SCIN: variants seen among roughly 807,000 people sequenced by gnomAD.
SCIN encodes adseverin.
Under a neutral mutation model 91.8 loss-of-function variants are expected in SCIN, and 91 were observed. That is an observed-to-expected ratio of 0.99 (90% CI 0.84 to 1.18). The LOEUF is 1.18. SCIN is among the 50% of genes most tolerant of loss of function. SCIN has a pLI of 0.00. For synonymous variants in SCIN, 367 were observed against 312.6 expected (o/e 1.17, Z -1.84); for missense variants, 1,087 against 863.9 (o/e 1.26, Z -3.24).
At position 12,611,040 on chromosome 7, in the gene SCIN, C is replaced by T. The variant is rs1373120715; in HGVS notation, c.666+6377C>T. The T allele has an allele frequency of 3.3e-5, 5 of 152,278 alleles. No individual in the cohort carries two copies. In the East Asian group the frequency reaches 9.6e-4, roughly 29 times the overall value. The allele number at this position is 152,278 out of a possible 1,614,324, so 9.4% of individuals were successfully genotyped here. ...TTTCTTGCCAGGACAGCATGTAACA[C>T]TGCTGCCCGCTGCCTGGCTACCCTG... On this transcript the variant is annotated intron_variant, in intron 4 of 15. Coordinates refer to ENST00000297029, the MANE Select transcript of SCIN (RefSeq NM_001112706.3).
chr7:12,604,499 G>T lies in SCIN; in HGVS notation c.517-15G>T. 3 of 1,550,952 alleles carry T rather than the reference G, an allele frequency of 1.9e-6. No individual in the cohort carries two copies. Among genetic ancestry groups the T allele is most frequent in the Non-Finnish European group, 2.6e-6 (3 of 1,146,446 alleles). On this transcript the variant is annotated splice_polypyrimidine_tract_variant and intron_variant, in intron 3 of 15. Coordinates refer to ENST00000297029, the MANE Select transcript of SCIN (RefSeq NM_001112706.3). Reference sequence around the variant, plus strand: ...TCATATTCTTAGGGTCAACAGATCTGTCTCTTTCTTTTAGGAAATTTATCA... The same window carrying T: ...TCATATTCTTAGGGTCAACAGATCTTTCTCTTTCTTTTAGGAAATTTATCA...
rs113338875 is a variant in SCIN at position 12,576,365 on chromosome 7, T to G, written c.200-1699T>G. ...TCTTCTAGCTACTGAGTTGTTTTTT[T>G]TTGTTGTTGTTGTTGTTTCCCCTCA... On this transcript the variant is annotated intron_variant, in intron 1 of 15. Transcript: ENST00000297029. 2.3e-4 allele frequency among the ~76,000 whole-genome samples: 27 copies of G among 117,806 alleles called. No individual in the cohort carries two copies. In the South Asian group the frequency reaches 3.7e-3, roughly 16 times the overall value. 77.3% of individuals were successfully genotyped at this position (117,806 alleles called of 152,430 possible). A position where few individuals can be genotyped will look rare whatever the true frequency, so the allele number is the denominator to read the frequency against.
chr7:12,605,729 T>G (rs1048913898), intron 4 of SCIN, among the ~76,000 whole-genome samples: 10 of 152,222 alleles, frequency 6.6e-5, no homozygotes, highest in African/African-American at 2.4e-4. Context: ...GGATTAGGGA[T>G]GCTCAACTTG....
intron 4 of SCIN, among the ~76,000 whole-genome samples, chr7:12,618,884 T>G (rs1783351285): frequency 6.6e-6 from 1 of 152,164 alleles, no homozygotes; most frequent in African/African-American, 2.4e-5. Flanking sequence ...TCATCTACCC[T>G]AAAATGATTA....
intron 3 of SCIN, chr7:12,589,648 C>G (rs1187419740): frequency 6.6e-6 from 1 of 152,188 alleles, no homozygotes; most frequent in African/African-American, 2.4e-5. Flanking sequence ...AGATCTAAAC[C>G]TCGATGGTTT....
chr7:12,629,289 C>T (rs1783596075), intron 9 of SCIN, 67 bp downstream of exon 9: 3 of 1,456,662 alleles, frequency 2.1e-6, no homozygotes, highest in Non-Finnish European at 2.8e-6. Context: ...GTATTAAATT[C>T]TATGCATTAT....
chr7:12,571,120 C>G, intron 1 of SCIN, 135 bp downstream of exon 1: 1 of 993,614 alleles, frequency 1.0e-6, no homozygotes, highest in Non-Finnish European at 1.4e-6. Context: ...ACGGGGCTGC[C>G]CTTTGGGGCC....
chr7:12,640,737 C>A (rs922161648), intron 11 of SCIN, among the ~76,000 whole-genome samples: 3 of 152,096 alleles, frequency 2.0e-5, no homozygotes, highest in African/African-American at 7.2e-5. Flanking sequence ...TACATTGAAC[C>A]CAAACAGATA....
chr7:12,572,744 G>T (rs115699041), intron 1 of SCIN, among the ~76,000 whole-genome samples: 1,787 of 152,158 alleles, frequency 0.012, 47 homozygotes, highest in African/African-American at 0.041. Context: ...AAAATGGTTT[G>T]GGCAGAAACA....
At position 12,635,980 on chromosome 7, in the gene SCIN, A is replaced by G. The variant is rs139456451; in HGVS notation, c.1320-65A>G. The G allele has an allele frequency of 1.8e-5, 21 of 1,137,582 alleles. No homozygotes were observed. In the Admixed American group the frequency reaches 2.6e-4, roughly 14 times the overall value. 70.5% of individuals were successfully genotyped at this position (1,137,582 alleles called of 1,614,324 possible). A position where few individuals can be genotyped will look rare whatever the true frequency, so the allele number is the denominator to read the frequency against. On this transcript the variant is annotated intron_variant, in intron 9 of 15. Transcript: ENST00000297029. ...TCATAATAACTTGTCTCTGCTTGCA[A>G]TGCCTACATGTGACGATCTTAAAAC... is the stretch of plus-strand genomic sequence containing the variant.
At chr7:12,627,539 C>T (rs1259818698) in intron 8 of SCIN, among the ~76,000 whole-genome samples, 1 of 152,168 alleles carries the variant, frequency 6.6e-6, no homozygotes, top group Admixed American at 6.5e-5. Flanking sequence ...TATTTCATCT[C>T]TATATTCCTA....
intron 10 of SCIN, among the ~76,000 whole-genome samples, chr7:12,637,691 G>A (rs891475438): frequency 6.6e-6 from 1 of 152,058 alleles, no homozygotes; most frequent in Non-Finnish European, 1.5e-5. Flanking sequence ...GAGAGATTGA[G>A]AGGGAGGAGA....
chr7:12,621,288 G>A (rs962612287), intron 4 of SCIN, among the ~76,000 whole-genome samples: 1 of 152,012 alleles, frequency 6.6e-6, no homozygotes, highest in African/African-American at 2.4e-5. Context: ...ACAATATATG[G>A]CATCTCTCTA....
intron 9 of SCIN, among the ~76,000 whole-genome samples, chr7:12,631,350 A>G (rs1783637808): frequency 1.3e-5 from 2 of 152,202 alleles, no homozygotes; most frequent in Admixed American, 1.3e-4. Context: ...AGTGCAATAT[A>G]AAGGATTTTA....
intron 3 of SCIN, among the ~76,000 whole-genome samples, chr7:12,603,526 C>T (rs1224872846): frequency 6.6e-6 from 1 of 152,140 alleles, no homozygotes; most frequent in Admixed American, 6.5e-5. Flanking sequence ...ATAATGCCCA[C>T]TCCCACAGCC....
At chr7:12,619,625 T>C (rs1783365617) in intron 4 of SCIN, among the ~76,000 whole-genome samples, 1 of 152,118 alleles carries the variant, frequency 6.6e-6, no homozygotes, top group Non-Finnish European at 1.5e-5. Context: ...ATTATTAATC[T>C]CCTAGCTAGC....
chr7:12,652,319 C>A (rs1784095418), intron 15 of SCIN, among the ~76,000 whole-genome samples: 1 of 150,776 alleles, frequency 6.6e-6, no homozygotes, highest in African/African-American at 2.4e-5. Context: ...ACTTGGAATT[C>A]TTTCAGGCAT....
chr7:12,590,602 G>T lies in SCIN; in HGVS notation c.516+9381G>T, dbSNP rs576232050. The stretch of plus-strand genomic sequence containing the variant: ...GCTTGCTGTATAGCAAAGCTTTCTC[G>T]GTGGGAGAGTTCTTGGGTAGGATTG... On this transcript the variant is annotated intron_variant, in intron 3 of 15. Transcript: ENST00000297029. 9.2e-5 allele frequency among the ~76,000 whole-genome samples: 14 copies of T among 152,178 alleles called. No homozygotes were observed. In the East Asian group the frequency reaches 2.7e-3, roughly 29 times the overall value.
intron 3 of SCIN, among the ~76,000 whole-genome samples, chr7:12,592,308 C>T (rs1035015830): frequency 9.9e-5 from 15 of 151,906 alleles, no homozygotes; most frequent in African/African-American, 2.2e-4. Context: ...AGGTTGTGAA[C>T]GAGTCGGTAT....
Sources: gnomAD v4.1 joint callset for allele counts (sites outside exome capture counted in the v4.1 genomes callset) on GRCh38, gnomAD v4.1.1 for gene constraint, MANE v1.5 for transcripts, NCBI Gene and HGNC (gene_info 2026-07-23, HGNC 2026-07-21) for gene names.